PDE11A: variants seen among roughly 807,000 people sequenced by gnomAD.
PDE11A encodes phosphodiesterase 11A, also known as dual 3',5'-cyclic-AMP and -GMP phosphodiesterase 11A.
A neutral mutation model predicts 100.5 loss-of-function variants in PDE11A; 100 were observed. The ratio of observed to expected loss-of-function variants is 1.00; its 90% CI spans 0.85 to 1.18. The LOEUF (loss-of-function observed/expected upper bound fraction) is 1.18. PDE11A is among the 50% of genes most tolerant of loss of function. PDE11A has a pLI of 0.00. For missense variants in PDE11A, 1,141 were observed against 1,152.6 expected (o/e 0.99, Z 0.15); for synonymous variants, 381 against 420.8 (o/e 0.91, Z 1.16).
intron 5 of PDE11A, among the ~76,000 whole-genome samples, chr2:177,843,483 A>C (rs979984633): frequency 1.3e-5 from 2 of 152,212 alleles, no homozygotes; most frequent in African/African-American, 4.8e-5. Flanking sequence ...GTTGATAATT[A>C]AGAGCTTTAG....
At chr2:177,652,945 G>C (rs569155173) in intron 19 of PDE11A, among the ~76,000 whole-genome samples, 2 of 152,166 alleles carry the variant, frequency 1.3e-5, no homozygotes, top group East Asian at 1.9e-4. Flanking sequence ...GACCTTATCT[G>C]TTTGCATATA....
At chr2:177,645,116 T>C (rs188614786) in intron 19 of PDE11A, among the ~76,000 whole-genome samples, 1 of 152,250 alleles carries the variant, frequency 6.6e-6, no homozygotes, top group Non-Finnish European at 1.5e-5. Flanking sequence ...CTTGTGACTA[T>C]GAGGCAAACT....
At chr2:178,063,166 C>T (rs2105867042) in intron 1 of PDE11A, among the ~76,000 whole-genome samples, 1 of 152,194 alleles carries the variant, frequency 6.6e-6, no homozygotes, top group South Asian at 2.1e-4. Flanking sequence ...GAAAAATAGG[C>T]ATGTTGATCA....
At chr2:177,911,856 C>A (rs998396491) in intron 2 of PDE11A, among the ~76,000 whole-genome samples, 1 of 151,106 alleles carries the variant, frequency 6.6e-6, no homozygotes, top group Non-Finnish European at 1.5e-5. Flanking sequence ...TGCACTCCAG[C>A]CTGGGTGAAA....
At chr2:177,634,403 T>TTTTTG (rs1348559868) in intron 19 of PDE11A, among the ~76,000 whole-genome samples, 1 of 151,542 alleles carries the variant, frequency 6.6e-6, no homozygotes, top group Non-Finnish European at 1.5e-5. Flanking sequence ...TTTTTTTTTT[T>TTTTTG]TGTGAGAAGG....
chr2:177,669,227 T>A (rs1001686876), intron 18 of PDE11A, among the ~76,000 whole-genome samples: 5 of 152,324 alleles, frequency 3.3e-5, no homozygotes, highest in Middle Eastern at 3.4e-3. Context: ...TTTGAATTAT[T>A]CAAACTCCAC....
intron 6 of PDE11A, among the ~76,000 whole-genome samples, chr2:177,836,153 G>C (rs1157638954): frequency 6.6e-6 from 1 of 152,238 alleles, no homozygotes; most frequent in Admixed American, 6.5e-5. Context: ...GTGGGGACTT[G>C]GAGAACCTTT....
At chr2:177,872,002 T>C (rs1415690764) in intron 5 of PDE11A, among the ~76,000 whole-genome samples, 1 of 152,232 alleles carries the variant, frequency 6.6e-6, no homozygotes, top group African/African-American at 2.4e-5. Flanking sequence ...ACTCTATTTA[T>C]TTAAAGCCAT....
intron 10 of PDE11A, among the ~76,000 whole-genome samples, chr2:177,754,218 A>G (rs1045290741): frequency 3.9e-5 from 6 of 152,238 alleles, no homozygotes; most frequent in Admixed American, 6.5e-5. Context: ...CTGATGGTCC[A>G]CTGGAGGGAA....
intron 3 of PDE11A, among the ~76,000 whole-genome samples, chr2:177,901,429 C>T (rs1211947083): frequency 6.6e-6 from 1 of 152,186 alleles, no homozygotes; most frequent in Non-Finnish European, 1.5e-5. Context: ...GTGTCTGGCA[C>T]AGCTGACCCT....
intron 2 of PDE11A, among the ~76,000 whole-genome samples, chr2:177,964,088 A>G (rs1356485503): frequency 6.6e-6 from 1 of 152,138 alleles, no homozygotes; most frequent in East Asian, 1.9e-4. Context: ...CAGGTGATAC[A>G]TATAAATAAC....
chr2:177,988,410 T>G (rs764814805), intron 2 of PDE11A, among the ~76,000 whole-genome samples: 2 of 152,194 alleles, frequency 1.3e-5, no homozygotes, highest in Non-Finnish European at 2.9e-5. Context: ...GTAAACAAAA[T>G]TCATGCATTC....
chr2:177,723,305 C>T (rs1245625472), intron 12 of PDE11A: 2 of 152,130 alleles, frequency 1.3e-5, no homozygotes, highest in Non-Finnish European at 2.9e-5. Context: ...TTGTTGACAA[C>T]ACAAATATGG....
chr2:177,945,491 G>A (rs1489169555), intron 2 of PDE11A, among the ~76,000 whole-genome samples: 1 of 146,758 alleles, frequency 6.8e-6, no homozygotes, highest in Non-Finnish European at 1.5e-5. Flanking sequence ...GGGATGTGAG[G>A]AGGCCTCTGC....
At chr2:177,960,543 G>A (rs1340846611) in intron 2 of PDE11A, among the ~76,000 whole-genome samples, 1 of 151,746 alleles carries the variant, frequency 6.6e-6, no homozygotes, top group Non-Finnish European at 1.5e-5. Flanking sequence ...ACTACTCCCA[G>A]GTTGCTAAAA....
intron 16 of PDE11A, among the ~76,000 whole-genome samples, chr2:177,679,762 G>C (rs927253136): frequency 2.0e-5 from 3 of 152,050 alleles, no homozygotes; most frequent in Non-Finnish European, 2.9e-5. Context: ...GTCTAGAAAG[G>C]TCATGATTAA....
intron 2 of PDE11A, among the ~76,000 whole-genome samples, chr2:177,942,406 A>AT (rs34568974): frequency 0.09 from 12,346 of 136,820 alleles, 530 homozygotes; most frequent in South Asian, 0.11. Flanking sequence ...TTTTAAAATT[A>AT]TTTTTTTTTT....
chr2:177,757,280 C>A (rs2082103466), intron 10 of PDE11A, among the ~76,000 whole-genome samples: 2 of 152,102 alleles, frequency 1.3e-5, no homozygotes, highest in Non-Finnish European at 2.9e-5. Context: ...TATACTGGGG[C>A]CCAAGAAAAG....
intron 2 of PDE11A, among the ~76,000 whole-genome samples, chr2:177,983,459 G>T (rs886184112): frequency 6.6e-6 from 1 of 152,268 alleles, no homozygotes; most frequent in South Asian, 2.1e-4. Context: ...GCCAGTCCAA[G>T]TAGCTTTGAG....
Sources: allele counts gnomAD v4.1 joint callset (sites outside exome capture counted in the v4.1 genomes callset), GRCh38; gene constraint gnomAD v4.1.1; transcripts MANE v1.5; gene names NCBI Gene and HGNC (gene_info 2026-07-23, HGNC 2026-07-21).